The following ARMC9 variants were observed in gnomAD, a reference collection of about 807,000 sequenced individuals.
ARMC9 encodes lisH domain-containing protein ARMC9.
ARMC9 carries 94 observed loss-of-function variants against 107.0 expected under a neutral mutation model. The ratio of observed to expected loss-of-function variants is 0.88; its 90% CI spans 0.74 to 1.04. The LOEUF is 1.04. Among genes scored for constraint, ARMC9 ranks in the 50% least tolerant of loss-of-function variants. The pLI is 0.00. For missense variants in ARMC9, 942 were observed against 1,030.1 expected (o/e 0.91, Z 1.17); for synonymous variants, 380 against 396.9 (o/e 0.96, Z 0.51).
Position 231,255,988 on chromosome 2 carries a change from C to A in ARMC9, c.880-598C>A. ...CCGGTAGGCGGAGGTTGCGGTGAGC[C>A]AAGATTGCGCCACTGCTCTCCAGCC... On this transcript the variant is annotated intron_variant, in intron 9 of 24. Transcript: ENST00000611582. The surrounding 1 kb of genome is among the most constrained non-coding windows in gnomAD (Gnocchi z 4.7). The A allele has an allele frequency of 1.8e-6, 2 of 1,134,374 alleles. No homozygotes were observed. Among genetic ancestry groups the A allele is most frequent in the Non-Finnish European group, 2.4e-6 (2 of 822,120 alleles). The allele number at this position is 1,134,374 out of a possible 1,614,324, so 70.3% of individuals were successfully genotyped here. A position where few individuals can be genotyped will look rare whatever the true frequency, so the allele number is the denominator to read the frequency against.
At chr2:231,352,661 GGATA>G (rs150058513) in intron 21 of ARMC9, among the ~76,000 whole-genome samples, 66,735 of 144,872 alleles carry the variant, frequency 0.46, 15,519 homozygotes, top group Admixed American at 0.52. Context: ...GATGTTCACA[GGATA>G]GATAGATAGA....
rs1273601710 is a variant in ARMC9, at chr2:231,375,671, G to T, written c.*4136G>T. On this transcript the variant is annotated 3_prime_UTR_variant, in exon 25 of 25. Transcript: ENST00000611582. The surrounding 1 kb of genome is among the most constrained non-coding windows in gnomAD (Gnocchi z 4.3). Reference sequence around the variant, plus strand: ...TGGCATGGTCCAGGCCGGAGCACCAGCCCCAGGTTGAAACATCAGGCAGGT... The same window carrying T: ...TGGCATGGTCCAGGCCGGAGCACCATCCCCAGGTTGAAACATCAGGCAGGT... Among the ~76,000 whole-genome samples the T allele has an allele frequency of 6.6e-6, 1 of 152,204 alleles. No individual in the cohort carries two copies. The highest frequency in any genetic ancestry group is 1.5e-5 in the Non-Finnish European group (1 of 68,042).
intron 19 of ARMC9, among the ~76,000 whole-genome samples, chr2:231,312,843 C>T (rs1398635131): frequency 6.6e-6 from 1 of 152,094 alleles, no homozygotes. Flanking sequence ...TGTATATTAT[C>T]CTGAACAGAG....
chr2:231,246,647 A>C (rs1291827922), intron 9 of ARMC9, among the ~76,000 whole-genome samples: 2 of 152,154 alleles, frequency 1.3e-5, no homozygotes, highest in South Asian at 2.1e-4. Context: ...GCTATTGTGA[A>C]TAGTGCTGCC....
intron 9 of ARMC9, among the ~76,000 whole-genome samples, chr2:231,249,406 C>G (rs754435151): frequency 6.6e-6 from 1 of 152,074 alleles, no homozygotes; most frequent in Non-Finnish European, 1.5e-5. Flanking sequence ...GGAACACTTT[C>G]CTTACCTTAC....
At chr2:231,324,656 A>T (rs1468569378) in intron 19 of ARMC9, among the ~76,000 whole-genome samples, 4 of 151,910 alleles carry the variant, frequency 2.6e-5, no homozygotes. Context: ...AGGCGAGAGA[A>T]TCACTTGAAC....
At chr2:231,329,590 T>A (rs2043582811) in intron 19 of ARMC9, among the ~76,000 whole-genome samples, 1 of 152,258 alleles carries the variant, frequency 6.6e-6, no homozygotes, top group African/African-American at 2.4e-5. Flanking sequence ...ATTACAGGTG[T>A]GAGCCACCGC....
intron 19 of ARMC9, among the ~76,000 whole-genome samples, chr2:231,310,266 TAGGC>T (rs951089405): frequency 2.1e-5 from 3 of 144,528 alleles, no homozygotes; most frequent in African/African-American, 5.2e-5. Flanking sequence ...ACTACAAAAT[TAGGC>T]AGGCATGGTG....
chr2:231,209,237 C>T (rs1406556834), intron 3 of ARMC9, among the ~76,000 whole-genome samples: 2 of 151,820 alleles, frequency 1.3e-5, no homozygotes, highest in Admixed American at 6.6e-5. Flanking sequence ...AAAAATTGGC[C>T]GAGCATGGTG....
chr2:231,252,803 ATTTTTTT>A (rs34618597), intron 9 of ARMC9, among the ~76,000 whole-genome samples: 1 of 134,210 alleles, frequency 7.5e-6, no homozygotes, highest in Admixed American at 7.5e-5. Flanking sequence ...CAACCCCCTA[ATTTTTTT>A]TTTTTTTTTT....
At chr2:231,283,549 C>A (rs552966450) in intron 17 of ARMC9, among the ~76,000 whole-genome samples, 2 of 152,238 alleles carry the variant, frequency 1.3e-5, no homozygotes, top group East Asian at 3.9e-4. Flanking sequence ...CCTGTCTCAG[C>A]CTCCCAAGTA....
In ARMC9 at chr2:231,296,151, G is replaced by A. The variant is rs113539032; in HGVS notation, c.1718-47G>A. 25 of 1,461,482 alleles carry A rather than the reference G, an allele frequency of 1.7e-5. No individual in the cohort carries two copies. The African/African-American group carries it at 2.8e-4, about 16-fold the overall frequency. The allele number at this position is 1,461,482 out of a possible 1,614,324, so 90.5% of individuals were successfully genotyped here. On this transcript the variant is annotated intron_variant, in intron 18 of 24. Transcript: ENST00000611582. ...AGGCTGACAGATTCTGTGGACCAAG[G>A]CTCCCACTGTTTATCCATTATTCAT... is the stretch of plus-strand genomic sequence containing the variant.
At position 231,255,454 on chromosome 2, in the gene ARMC9, TTAAC is replaced by T. The variant is rs1490249267; in HGVS notation, c.880-1129_880-1126del. The stretch of plus-strand genomic sequence containing the variant: ...ATTGCTTTTGTTCTTCACAATGTAT[TTAAC>T]TAGGCAGTTTGAAATGCCCCTGGGA... On this transcript the variant is annotated intron_variant, in intron 9 of 24. Coordinates refer to ENST00000611582, the MANE Select transcript of ARMC9 (RefSeq NM_001352754.2). The surrounding 1 kb of genome is among the most constrained non-coding windows in gnomAD (Gnocchi z 4.7). Among the ~76,000 whole-genome samples the T allele has an allele frequency of 6.6e-6, 1 of 152,242 alleles. No homozygotes were observed. Among genetic ancestry groups the T allele is most frequent in the African/African-American group, 2.4e-5 (1 of 41,464 alleles).
intron 3 of ARMC9, among the ~76,000 whole-genome samples, chr2:231,210,307 C>G (rs150018060): frequency 6.6e-6 from 1 of 152,190 alleles, no homozygotes; most frequent in Non-Finnish European, 1.5e-5. Context: ...TGGCACCCCC[C>G]ACACCTAGAA....
intron 5 of ARMC9, among the ~76,000 whole-genome samples, chr2:231,219,280 A>G (rs992540584): frequency 2.0e-5 from 3 of 152,052 alleles, no homozygotes; most frequent in African/African-American, 7.2e-5. Context: ...ATCTTGTGTT[A>G]AAGACCTCTT....
rs1419480701 is a variant in ARMC9, at chr2:231,276,699, G to A, written c.1398G>A (p.Lys466=). Residue 466 remains lysine (K), a synonymous_variant, in exon 15 of 25, where the codon AAG becomes AAA. Transcript: ENST00000611582. ...GLIFWLVDVL[K]DPDCLSDYTL... The stretch of plus-strand genomic sequence containing the variant: ...TCTTCTGGCTGGTTGATGTTCTGAA[G>A]GACCCTGACTGCCTGTCTGACTACA... The A allele has an allele frequency of 1.9e-6, 3 of 1,614,142 alleles. No homozygotes were observed. Among genetic ancestry groups the A allele is most frequent in the East Asian group, 2.2e-5 (1 of 44,874 alleles).
intron 12 of ARMC9, among the ~76,000 whole-genome samples, chr2:231,268,216 G>T (rs1039505125): frequency 3.3e-5 from 5 of 152,184 alleles, no homozygotes; most frequent in African/African-American, 1.2e-4. Flanking sequence ...TGGGGTTCTG[G>T]AAGGGCATCT....
chr2:231,314,369 C>A (rs1008648834), intron 19 of ARMC9, among the ~76,000 whole-genome samples: 4 of 152,170 alleles, frequency 2.6e-5, no homozygotes, highest in African/African-American at 9.7e-5. Flanking sequence ...TGAGCCACTG[C>A]GCCAGGTCAT....
chr2:231,224,569 T>C (rs1453755938), intron 6 of ARMC9, among the ~76,000 whole-genome samples: 5 of 152,260 alleles, frequency 3.3e-5, no homozygotes, highest in Non-Finnish European at 5.9e-5. Flanking sequence ...GCTTGATAAC[T>C]GTTAGCTGTT....
Sources: allele counts gnomAD v4.1 joint callset (sites outside exome capture counted in the v4.1 genomes callset), GRCh38; gene constraint gnomAD v4.1.1; non-coding constraint Gnocchi (gnomAD v3.1); transcripts MANE v1.5; gene names NCBI Gene and HGNC (gene_info 2026-07-23, HGNC 2026-07-21).